The following ITGB5 variants were observed in gnomAD, a reference collection of about 807,000 sequenced individuals.
ITGB5 encodes the protein integrin beta-5.
ITGB5 carries 38 observed loss-of-function variants against 84.8 expected under a neutral mutation model. The ratio of observed to expected loss-of-function variants is 0.45; its 90% CI spans 0.35 to 0.59. The LOEUF (loss-of-function observed/expected upper bound fraction) is 0.59. ITGB5 is among the 20% of genes least tolerant of loss of function. The pLI is 0.01. For missense variants in ITGB5, 905 were observed against 1,034.5 expected, an observed-to-expected ratio of 0.87 and a Z score of 1.72; for synonymous variants, 393 against 414.4, an observed-to-expected ratio of 0.95 and a Z score of 0.63.
At chr3:124,776,641 C>T (rs1005153441) in intron 10 of ITGB5, among the ~76,000 whole-genome samples, 6 of 152,306 alleles carry the variant, frequency 3.9e-5, no homozygotes, top group Non-Finnish European at 8.8e-5. Context: ...CAAGGGTAGA[C>T]TTAATACGGC....
At chr3:124,877,023 T>G (rs559404405) in intron 1 of ITGB5, among the ~76,000 whole-genome samples, 2 of 152,042 alleles carry the variant, frequency 1.3e-5, no homozygotes, top group South Asian at 4.2e-4. Context: ...CAGGCTAGAG[T>G]GCAGTAGTGT....
In ITGB5 at chr3:124,829,160, T is replaced by C. The variant is rs145153177; in HGVS notation, c.781-7686A>G. On this transcript the variant is annotated intron_variant, in intron 5 of 14. Transcript: ENST00000296181. The stretch of plus-strand genomic sequence containing the variant: ...TTAATAGAATTATGGGTGATGCTTA[T>C]TTCCTTTCTGCTTATCTACATTTTC... 3.2e-3 allele frequency among the ~76,000 whole-genome samples: 486 copies of C among 152,368 alleles called. 3 individuals are homozygous for C. The highest frequency in any genetic ancestry group is 0.011 in the African/African-American group (468 of 41,590).
Position 124,766,248 on chromosome 3 carries a change from G to A in ITGB5, c.2115C>T (p.Asn705=). The A allele has an allele frequency of 6.2e-7, 1 of 1,614,082 alleles. No individual in the cohort carries two copies. The highest frequency in any genetic ancestry group is 1.1e-5 in the South Asian group (1 of 91,070). The change falls in exon 13 of 15, where the codon AAC becomes AAT. Residue 705 remains asparagine (N), a synonymous_variant. Coordinates refer to ENST00000296181, the MANE Select transcript of ITGB5 (RefSeq NM_002213.5). Reference sequence around the variant, plus strand: ...TACCTGGCTCCCTGAGGACGGTCAGGTTGGACTTCCCACTGGGGAGCTCCA... The same window carrying A: ...TACCTGGCTCCCTGAGGACGGTCAGATTGGACTTCCCACTGGGGAGCTCCA... The part of the protein sequence containing the change: ...TYVELPSGKS[N]LTVLREPECG...
intron 10 of ITGB5, among the ~76,000 whole-genome samples, chr3:124,779,595 G>A (rs2063973569): frequency 6.6e-6 from 1 of 152,210 alleles, no homozygotes; most frequent in African/African-American, 2.4e-5. Flanking sequence ...GTGGAGTGCG[G>A]TGGTTAACAC....
intron 1 of ITGB5, among the ~76,000 whole-genome samples, chr3:124,881,300 G>A (rs542896499): frequency 1.3e-5 from 2 of 152,110 alleles, no homozygotes; most frequent in East Asian, 3.9e-4. Context: ...TTTAAATAAA[G>A]TTTTTCTAAG....
In ITGB5 at chr3:124,848,560, T is replaced by G. The variant is rs1350749089; in HGVS notation, c.362-2A>C. On this transcript the variant is annotated splice_acceptor_variant, in intron 3 of 14. Transcript: ENST00000296181. LOFTEE classifies it high-confidence loss of function. The stretch of plus-strand genomic sequence containing the variant: ...GTAGCTGGAAGGTGGTCTTGTCACC[T>G]GCACCAACAGAGAGGCCACGTGTGT... The G allele has an allele frequency of 6.2e-7, 1 of 1,609,520 alleles. No individual in the cohort carries two copies. Among genetic ancestry groups the G allele is most frequent in the Admixed American group, 1.7e-5 (1 of 59,990 alleles).
intron 3 of ITGB5, among the ~76,000 whole-genome samples, chr3:124,855,247 A>G (rs2065207567): frequency 6.6e-6 from 1 of 152,172 alleles, no homozygotes; most frequent in East Asian, 1.9e-4. Flanking sequence ...TGGAGGCTGC[A>G]GTTAGCTGAA....
chr3:124,824,915 G>A (rs902808555), intron 5 of ITGB5, among the ~76,000 whole-genome samples: 1 of 152,168 alleles, frequency 6.6e-6, no homozygotes, highest in Non-Finnish European at 1.5e-5. Context: ...AATGTGGAAC[G>A]AGGCCTGGCG....
chr3:124,817,555 G>A (rs1403811819), intron 8 of ITGB5, 66 bp downstream of exon 8: 4 of 836,980 alleles, frequency 4.8e-6, no homozygotes, highest in African/African-American at 1.8e-5. Flanking sequence ...GCCCGCGGCA[G>A]CTGCAGGGCC....
At chr3:124,862,272 T>C (rs564699829) in intron 2 of ITGB5, 7 of 152,598 alleles carry the variant, frequency 4.6e-5, no homozygotes, top group African/African-American at 1.7e-4. Context: ...TGGTCAGTTT[T>C]TTCAGAGTAA....
At chr3:124,781,941 G>A (rs2064011401) in intron 10 of ITGB5, among the ~76,000 whole-genome samples, 1 of 152,166 alleles carries the variant, frequency 6.6e-6, no homozygotes, top group Admixed American at 6.5e-5. Flanking sequence ...TCACCAGTAG[G>A]AGAGGAATAG....
chr3:124,825,105 G>C (rs574286171), intron 5 of ITGB5, among the ~76,000 whole-genome samples: 1 of 151,692 alleles, frequency 6.6e-6, no homozygotes, highest in South Asian at 2.1e-4. Context: ...GCTAAGGCAG[G>C]AGAATGGCGT....
chr3:124,848,033 T>C (rs1302852959), intron 4 of ITGB5, among the ~76,000 whole-genome samples: 1 of 152,200 alleles, frequency 6.6e-6, no homozygotes, highest in African/African-American at 2.4e-5. Flanking sequence ...GGACATTTTC[T>C]GAATTCTATT....
intron 10 of ITGB5, among the ~76,000 whole-genome samples, chr3:124,795,455 C>A (rs929743389): frequency 3.3e-5 from 5 of 151,614 alleles, no homozygotes; most frequent in Non-Finnish European, 1.5e-5. Context: ...TGCCATTGCA[C>A]TCCAGCCTGG....
At position 124,764,603 on chromosome 3, in the gene ITGB5, T is replaced by C. The variant is rs761299766; in HGVS notation, c.2138-46A>G. On this transcript the variant is annotated intron_variant, in intron 13 of 14. Transcript: ENST00000296181. ...GTAAGCAAAGCCACTAGCATCACCATGCCCCTCTCACGCAACTGCAGGCAT... is the reference window on the plus strand; with the variant it reads ...GTAAGCAAAGCCACTAGCATCACCACGCCCCTCTCACGCAACTGCAGGCAT... The C allele has an allele frequency of 5.8e-6, 9 of 1,565,046 alleles. No homozygotes were observed. The South Asian group carries it at 9.1e-5, about 16-fold the overall frequency.
intron 12 of ITGB5, among the ~76,000 whole-genome samples, chr3:124,766,952 C>T (rs1047097938): frequency 2.0e-4 from 31 of 152,234 alleles, no homozygotes; most frequent in Non-Finnish European, 7.3e-5. Context: ...GAACGTGGCC[C>T]GGCCTCCCTC....
At chr3:124,834,532 A>AAGGTGAGGG (rs2064902470) in intron 5 of ITGB5, among the ~76,000 whole-genome samples, 1 of 51,824 alleles carries the variant, frequency 1.9e-5, no homozygotes, top group Non-Finnish European at 3.7e-5. Flanking sequence ...GGAGGCGAGG[A>AAGGTGAGGG]AGGGGAGGGA....
At chr3:124,787,835 G>A (rs1329327842) in intron 10 of ITGB5, 2 of 151,966 alleles carry the variant, frequency 1.3e-5, no homozygotes, top group Non-Finnish European at 2.9e-5. Flanking sequence ...TTTCATTATA[G>A]GATCACAAGC....
chr3:124,830,854 C>T (rs1331526031), intron 5 of ITGB5, among the ~76,000 whole-genome samples: 2 of 152,196 alleles, frequency 1.3e-5, no homozygotes, highest in South Asian at 2.1e-4. Context: ...CGTGGTGGCA[C>T]GTGCCTGTAA....
Sources: allele counts gnomAD v4.1 joint callset (sites outside exome capture counted in the v4.1 genomes callset), GRCh38; gene constraint gnomAD v4.1.1; transcripts MANE v1.5; gene names NCBI Gene and HGNC (gene_info 2026-07-23, HGNC 2026-07-21).